DSCAM: variants seen among roughly 807,000 people sequenced by gnomAD.
The protein encoded by DSCAM is DS cell adhesion molecule, also known as cell adhesion molecule DSCAM.
Under a neutral mutation model 217.7 loss-of-function variants are expected in DSCAM, and 47 were observed. That is an observed-to-expected ratio of 0.22 (90% CI 0.17 to 0.28). The LOEUF (loss-of-function observed/expected upper bound fraction) is 0.28, where lower values mean the gene tolerates loss of function less well. DSCAM is among the 10% of genes least tolerant of loss of function. The pLI is 1.00. For missense variants in DSCAM, 2,080 were observed against 2,618.3 expected (o/e 0.79, Z 4.49); for synonymous variants, 1,056 against 1,015.3 (o/e 1.04, Z -0.76).
rs1601157263 is a variant in DSCAM, at chr21:40,710,295, A to C, written c.44-1524T>G. Among the ~76,000 whole-genome samples the C allele has an allele frequency of 2.6e-5, 4 of 152,348 alleles. No individual in the cohort carries two copies. In the East Asian group the frequency reaches 7.7e-4, roughly 29 times the overall value. On this transcript the variant is annotated intron_variant, in intron 1 of 32. Transcript: ENST00000400454. ...ACACTTTTATTTAAAATAGGACATAACAATAAAGAGAATTTTGACAAAAGC... is the reference window on the plus strand; with the variant it reads ...ACACTTTTATTTAAAATAGGACATACCAATAAAGAGAATTTTGACAAAAGC...
At chr21:40,081,999 G>T (rs146889718) in intron 24 of DSCAM, among the ~76,000 whole-genome samples, 95 of 152,266 alleles carry the variant, frequency 6.2e-4, no homozygotes, top group African/African-American at 2.2e-3. Context: ...CCCATCCCTA[G>T]GTGCCCCCTA....
In DSCAM at chr21:40,025,306, C is replaced by A. The variant is rs987814583; in HGVS notation, c.5687-11920G>T. 6.0e-3 allele frequency among the ~76,000 whole-genome samples: 840 copies of A among 139,674 alleles called. 36 individuals carry two copies. Among genetic ancestry groups the A allele is most frequent in the East Asian group, 0.022 (109 of 4,864 alleles). The allele number at this position is 139,674 out of a possible 152,430, so 91.6% of individuals were successfully genotyped here. ...TATTGAGGATTTTTGCATCAATGTT[C>A]ATCAAGGATATTGGTCTAAAATTAT... On this transcript the variant is annotated intron_variant, in intron 32 of 32. Transcript: ENST00000400454.
intron 2 of DSCAM, among the ~76,000 whole-genome samples, chr21:40,708,214 G>T (rs1196142909): frequency 6.6e-6 from 1 of 152,096 alleles, no homozygotes; most frequent in Non-Finnish European, 1.5e-5. Context: ...AAGGAGGCTG[G>T]GATGTTAGAA....
At chr21:40,533,677 CCATCCATCCATCCATCCATT>C (rs2076472111) in intron 3 of DSCAM, among the ~76,000 whole-genome samples, 1 of 149,492 alleles carries the variant, frequency 6.7e-6, no homozygotes, top group East Asian at 2.0e-4. Flanking sequence ...ATCCATCTGT[CCATCCATCCATCCATCCATT>C]CATCCATCCA....
At chr21:40,276,706 T>C (rs1006284947) in intron 10 of DSCAM, among the ~76,000 whole-genome samples, 1 of 152,198 alleles carries the variant, frequency 6.6e-6, no homozygotes, top group Non-Finnish European at 1.5e-5. Flanking sequence ...CTTTGCTCAC[T>C]GCACATGTCT....
Position 40,188,231 on chromosome 21 carries a change from T to C in DSCAM, c.2554-244A>G, listed in dbSNP as rs143064133. On this transcript the variant is annotated intron_variant, in intron 12 of 32. Coordinates refer to ENST00000400454, the MANE Select transcript of DSCAM (RefSeq NM_001389.5). ...GTGTAATTGAAAGTAGGCGGATGGA[T>C]AGGATTCACGTACATTATCCATGTC... 3.5e-4 allele frequency among the ~76,000 whole-genome samples: 53 copies of C among 152,314 alleles called. 1 individual carries two copies. The highest frequency in any genetic ancestry group is 1.2e-3 in the African/African-American group (49 of 41,552).
At chr21:40,755,330 C>T (rs1336346093) in intron 1 of DSCAM, among the ~76,000 whole-genome samples, 1 of 152,076 alleles carries the variant, frequency 6.6e-6, no homozygotes, top group African/African-American at 2.4e-5. Flanking sequence ...CCTATAATCC[C>T]AGCTACTTAG....
chr21:40,130,036 C>T (rs1051333572), intron 19 of DSCAM, among the ~76,000 whole-genome samples: 1 of 152,112 alleles, frequency 6.6e-6, no homozygotes, highest in Non-Finnish European at 1.5e-5. Context: ...CTCACATGTA[C>T]CTTCAGAGTT....
At chr21:40,337,959 C>G (rs2074445232) in intron 8 of DSCAM, 142 bp downstream of exon 8, 1 of 1,070,496 alleles carries the variant, frequency 9.3e-7, no homozygotes, top group Non-Finnish European at 1.4e-6. Context: ...GAGGACATCT[C>G]ATGTTCCCTG....
chr21:40,482,022 A>C (rs912095563), intron 3 of DSCAM, among the ~76,000 whole-genome samples: 1 of 152,326 alleles, frequency 6.6e-6, no homozygotes, highest in Non-Finnish European at 1.5e-5. Flanking sequence ...AAGTGTCTGA[A>C]GTCACTATAA....
intron 15 of DSCAM, among the ~76,000 whole-genome samples, chr21:40,171,728 T>C (rs561529434): frequency 1.3e-5 from 2 of 152,302 alleles, no homozygotes; most frequent in South Asian, 2.1e-4. Context: ...TTCTAAAACA[T>C]TACTTTAAAA....
intron 3 of DSCAM, among the ~76,000 whole-genome samples, chr21:40,690,164 G>A (rs56998894): frequency 0.048 from 7,315 of 152,170 alleles, 364 homozygotes; most frequent in African/African-American, 0.13. Context: ...TAAACCATGC[G>A]TCACCTCCAG....
At chr21:40,409,773 T>C (rs2123792507) in intron 3 of DSCAM, among the ~76,000 whole-genome samples, 1 of 152,318 alleles carries the variant, frequency 6.6e-6, no homozygotes, top group East Asian at 1.9e-4. Flanking sequence ...AGTTCTAGAC[T>C]GGAACCATGC....
chr21:40,516,978 T>G (rs113340236), intron 3 of DSCAM, among the ~76,000 whole-genome samples: 1 of 147,618 alleles, frequency 6.8e-6, no homozygotes, highest in Non-Finnish European at 1.5e-5. Context: ...ATACATATAT[T>G]ATATATATAC....
intron 29 of DSCAM, among the ~76,000 whole-genome samples, chr21:40,054,550 A>G (rs2088983285): frequency 6.6e-6 from 1 of 152,364 alleles, no homozygotes; most frequent in Admixed American, 6.5e-5. Context: ...AGAGTCAGGC[A>G]GTTTATCCAG....
At position 40,722,004 on chromosome 21, in the gene DSCAM, C is replaced by T. The variant is rs189963122; in HGVS notation, c.44-13233G>A. Among the ~76,000 whole-genome samples, 457 of 151,652 alleles carry T rather than the reference C, an allele frequency of 3.0e-3. 2 individuals are homozygous for T. Among genetic ancestry groups the T allele is most frequent in the African/African-American group, 0.01 (432 of 41,336 alleles). ...ATCAGAAACAACGCAAAACAGAAGA[C>T]AAGGGGAGAGAAATTTGAAGCATTT... On this transcript the variant is annotated intron_variant, in intron 1 of 32. Transcript: ENST00000400454.
chr21:40,536,708 G>A (rs78294169), intron 3 of DSCAM, among the ~76,000 whole-genome samples: 12,066 of 152,150 alleles, frequency 0.079, 757 homozygotes, highest in East Asian at 0.25. Flanking sequence ...ACCCGGTCCC[G>A]GTAGATTCTA....
chr21:40,116,670 T>G (rs945253049), intron 20 of DSCAM, among the ~76,000 whole-genome samples: 2 of 151,162 alleles, frequency 1.3e-5, no homozygotes, highest in Non-Finnish European at 2.9e-5. Flanking sequence ...TTGTGGTATC[T>G]CCATAATTTT....
At position 40,144,357 on chromosome 21, in the gene DSCAM, A is replaced by T; in HGVS notation, c.3259+134T>A. ...CGAGGTCACGAGGGAAGGCTTTTCC[A>T]CCCGAGACCCCAGGCCCTGCAGGTC... On this transcript the variant is annotated intron_variant, in intron 17 of 32. Transcript: ENST00000400454. This position sits in a 1 kb window ranked among gnomAD's most constrained non-coding sequence, Gnocchi z 4.8. The T allele has an allele frequency of 7.1e-7, 1 of 1,414,752 alleles. No individual in the cohort carries two copies. The highest frequency in any genetic ancestry group is 9.6e-7 in the Non-Finnish European group (1 of 1,044,126). The allele number at this position is 1,414,752 out of a possible 1,614,324, so 87.6% of individuals were successfully genotyped here.
Sources: allele counts gnomAD v4.1 joint callset (sites outside exome capture counted in the v4.1 genomes callset), GRCh38; gene constraint gnomAD v4.1.1; non-coding constraint Gnocchi (gnomAD v3.1); transcripts MANE v1.5; gene names NCBI Gene and HGNC (gene_info 2026-07-23, HGNC 2026-07-21).